ELAVL4: variants seen among roughly 807,000 people sequenced by gnomAD.
The protein encoded by ELAVL4 is ELAV-like protein 4.
Under a neutral mutation model 35.6 loss-of-function variants are expected in ELAVL4, and 1 was observed. That is an observed-to-expected ratio of 0.03 (90% CI 0.01 to 0.13). ELAVL4 has a LOEUF of 0.13. Among genes scored for constraint, ELAVL4 ranks in the 10% least tolerant of loss-of-function variants. The probability of loss-of-function intolerance (pLI) is 1.00; values close to 1 mark genes in which losing one functional copy is unlikely to be tolerated. For synonymous variants in ELAVL4, 156 were observed against 171.0 expected (o/e 0.91, Z 0.69); for missense variants, 267 against 464.9 (o/e 0.57, Z 3.91).
At chr1:50,142,292 C>T (rs899163633) in intron 1 of ELAVL4, among the ~76,000 whole-genome samples, 1 of 152,148 alleles carries the variant, frequency 6.6e-6, no homozygotes, top group Admixed American at 6.5e-5. Context: ...CTCTACCTCC[C>T]AGGTTCAAGT....
intron 1 of ELAVL4, among the ~76,000 whole-genome samples, chr1:50,119,444 C>G (rs1232749841): frequency 2.6e-5 from 4 of 152,038 alleles, no homozygotes; most frequent in African/African-American, 9.7e-5. Flanking sequence ...GTTGGATATT[C>G]TTAGGACCTT....
At chr1:50,075,154 C>T (rs903783905) in intron 1 of ELAVL4, among the ~76,000 whole-genome samples, 7 of 151,940 alleles carry the variant, frequency 4.6e-5, no homozygotes, top group Non-Finnish European at 7.4e-5. Context: ...GTGTAAAGGC[C>T]CTAGGGCAGC....
At chr1:50,145,864 A>T (rs906535759) in intron 2 of ELAVL4, among the ~76,000 whole-genome samples, 30 of 152,216 alleles carry the variant, frequency 2.0e-4, no homozygotes, top group African/African-American at 6.8e-4. Flanking sequence ...AATACATGAG[A>T]TTTTTAGGTT....
chr1:50,094,501 G>A (rs1375852451), intron 1 of ELAVL4, among the ~76,000 whole-genome samples: 1 of 152,154 alleles, frequency 6.6e-6, no homozygotes, highest in East Asian at 1.9e-4. Flanking sequence ...ATTCAAGACA[G>A]GATCAAGATA....
At chr1:50,073,868 A>G (rs1434253984) in intron 1 of ELAVL4, among the ~76,000 whole-genome samples, 1 of 152,166 alleles carries the variant, frequency 6.6e-6, no homozygotes, top group Non-Finnish European at 1.5e-5. Flanking sequence ...GATCCTAGAA[A>G]TCCCAGAAAC....
chr1:50,117,622 A>G (rs950719315), intron 1 of ELAVL4, among the ~76,000 whole-genome samples: 1 of 152,178 alleles, frequency 6.6e-6, no homozygotes, highest in African/African-American at 2.4e-5. Flanking sequence ...TTCTGCAAGA[A>G]TCAGATGAGA....
intron 1 of ELAVL4, among the ~76,000 whole-genome samples, chr1:50,133,635 GAAAGAAAGAAAGAAAGAGAA>G (rs1254739826): frequency 6.4e-4 from 96 of 148,992 alleles, no homozygotes; most frequent in African/African-American, 2.3e-3. Context: ...AAGAAAGAAA[GAAAGAAAGAAAGAAAGAGAA>G]AGAAAGAAAG....
chr1:50,054,332 G>A (rs940626058), intron 1 of ELAVL4, among the ~76,000 whole-genome samples: 1 of 152,166 alleles, frequency 6.6e-6, no homozygotes, highest in Non-Finnish European at 1.5e-5. Context: ...AAAACAACCT[G>A]GTAGATGCTG....
intron 1 of ELAVL4, among the ~76,000 whole-genome samples, chr1:50,089,721 C>A (rs1183366878): frequency 6.6e-6 from 1 of 152,220 alleles, no homozygotes; most frequent in Non-Finnish European, 1.5e-5. Flanking sequence ...CACCACTGCA[C>A]TCCAGCCTGG....
intron 2 of ELAVL4, among the ~76,000 whole-genome samples, chr1:50,167,242 A>G (rs967412181): frequency 6.6e-6 from 1 of 152,140 alleles, no homozygotes; most frequent in Non-Finnish European, 1.5e-5. Context: ...CTGCTTCAGG[A>G]TGATGGGGAA....
intron 2 of ELAVL4, among the ~76,000 whole-genome samples, chr1:50,150,908 G>A (rs897654330): frequency 2.0e-5 from 3 of 151,984 alleles, no homozygotes; most frequent in African/African-American, 7.3e-5. Flanking sequence ...ATGTTTACTG[G>A]GCACTATAAT....
intron 2 of ELAVL4, 87 bp from the exon 3 acceptor site, chr1:50,177,001 TA>T: frequency 9.0e-7 from 1 of 1,116,544 alleles, no homozygotes; most frequent in Non-Finnish European, 1.3e-6. Flanking sequence ...GTTGCCTCTA[TA>T]AAGATACTGA....
intron 1 of ELAVL4, among the ~76,000 whole-genome samples, chr1:50,052,311 A>T (rs1663427476): frequency 1.3e-5 from 2 of 152,190 alleles, no homozygotes; most frequent in Admixed American, 6.5e-5. Context: ...ACACACACAT[A>T]CAGATACACC....
rs147495008 is a variant in ELAVL4, at chr1:50,197,999, C to T, written c.773+532C>T. Among the ~76,000 whole-genome samples the T allele has an allele frequency of 3.5e-3, 530 of 152,294 alleles. 3 individuals are homozygous for T. Among genetic ancestry groups the T allele is most frequent in the African/African-American group, 0.012 (506 of 41,554 alleles). ...CGTGGATGACTTTCTAACTCCTGCC[C>T]CCACTTCAGTGTGCATTTCAGAGCA... On this transcript the variant is annotated intron_variant, in intron 6 of 6. Coordinates refer to ENST00000371824, the MANE Select transcript of ELAVL4 (RefSeq NM_001144774.3).
At chr1:50,094,626 C>G (rs1241861693) in intron 1 of ELAVL4, among the ~76,000 whole-genome samples, 1 of 152,100 alleles carries the variant, frequency 6.6e-6, no homozygotes. Flanking sequence ...GAATAATTAG[C>G]TGGGTGTGAT....
At chr1:50,106,212 C>T (rs1277179680), upstream of ELAVL4, 3 of 1,129,734 alleles carry the variant, frequency 2.7e-6, no homozygotes, top group Admixed American at 2.0e-5. Flanking sequence ...TAGTTATTAA[C>T]GCTGAATTGG....
At chr1:50,090,788 C>T (rs957043823) in intron 1 of ELAVL4, among the ~76,000 whole-genome samples, 1 of 152,144 alleles carries the variant, frequency 6.6e-6, no homozygotes, top group Non-Finnish European at 1.5e-5. Context: ...TCACTTCCAC[C>T]CACATTCCAA....
chr1:50,138,461 A>G (rs1157133900), intron 1 of ELAVL4, among the ~76,000 whole-genome samples: 1 of 138,944 alleles, frequency 7.2e-6, no homozygotes, highest in East Asian at 2.2e-4. Flanking sequence ...TGCTTGAATG[A>G]GTGCTTTTTT....
At chr1:50,177,511 C>T (rs1680251908) in intron 3 of ELAVL4, among the ~76,000 whole-genome samples, 1 of 152,194 alleles carries the variant, frequency 6.6e-6, no homozygotes, top group South Asian at 2.1e-4. Flanking sequence ...AGGGAAAAGG[C>T]TGAGGCCAGG....
Sources: gnomAD v4.1 joint callset for allele counts (sites outside exome capture counted in the v4.1 genomes callset) on GRCh38, gnomAD v4.1.1 for gene constraint, MANE v1.5 for transcripts, NCBI Gene and HGNC (gene_info 2026-07-23, HGNC 2026-07-21) for gene names.